Variants in GABRG3 observed in about 807,000 individuals in gnomAD.
GABRG3 encodes the protein gamma-aminobutyric acid receptor subunit gamma-3.
A neutral mutation model predicts 48.8 loss-of-function variants in GABRG3; 25 were observed. The observed-to-expected ratio is 0.51, with a 90% CI of 0.37 to 0.72. The LOEUF is 0.72. Among genes scored for constraint, GABRG3 ranks in the 30% least tolerant of loss-of-function variants. GABRG3 has a pLI of 0.00. For missense variants in GABRG3, 394 were observed against 577.9 expected, an observed-to-expected ratio of 0.68 and a Z score of 3.26; for synonymous variants, 227 against 217.6, an observed-to-expected ratio of 1.04 and a Z score of -0.38.
chr15:27,227,809 A>G (rs1889671981), intron 3 of GABRG3, among the ~76,000 whole-genome samples: 1 of 152,198 alleles, frequency 6.6e-6, no homozygotes, highest in African/African-American at 2.4e-5. Flanking sequence ...CTTTTGAAAA[A>G]TAACAGATGC....
intron 5 of GABRG3, among the ~76,000 whole-genome samples, chr15:27,338,304 G>A (rs1894046846): frequency 6.6e-6 from 1 of 152,138 alleles, no homozygotes; most frequent in Admixed American, 6.5e-5. Context: ...CCAGGAACGT[G>A]CTGGAAAGAC....
intron 5 of GABRG3, chr15:27,365,772 G>T (rs1025682674): frequency 6.6e-6 from 1 of 152,098 alleles, no homozygotes; most frequent in African/African-American, 2.4e-5. Flanking sequence ...AAAAAATAAA[G>T]AACCAGAGTA....
At chr15:27,465,419 C>A (rs1889576719) in intron 5 of GABRG3, among the ~76,000 whole-genome samples, 1 of 152,210 alleles carries the variant, frequency 6.6e-6, no homozygotes, top group Admixed American at 6.5e-5. Context: ...AATTGGAAAA[C>A]CTTTCCTTTG....
chr15:27,491,050 G>A (rs536242627), intron 6 of GABRG3, among the ~76,000 whole-genome samples: 22 of 152,300 alleles, frequency 1.4e-4, no homozygotes, highest in South Asian at 6.2e-4. Flanking sequence ...AGAACACCAC[G>A]CATGAGAGGA....
chr15:27,200,802 G>A (rs775863240), intron 3 of GABRG3, among the ~76,000 whole-genome samples: 1 of 152,122 alleles, frequency 6.6e-6, no homozygotes, highest in Non-Finnish European at 1.5e-5. Context: ...GAGCCCAGGT[G>A]TGCTACCCGT....
intron 3 of GABRG3, among the ~76,000 whole-genome samples, chr15:27,282,273 G>A (rs1280625458): frequency 2.0e-5 from 3 of 152,086 alleles, no homozygotes; most frequent in African/African-American, 7.2e-5. Flanking sequence ...GCCTAAATTC[G>A]GAAGTTTAAT....
intron 5 of GABRG3, among the ~76,000 whole-genome samples, chr15:27,425,847 ATCT>A (rs138446149): frequency 0.045 from 6,792 of 152,234 alleles, 170 homozygotes; most frequent in Middle Eastern, 0.11. Flanking sequence ...TCTTTTCTAA[ATCT>A]TCTTCTTTTA....
In GABRG3 at chr15:27,438,040, G is replaced by A. The variant is rs539005762; in HGVS notation, c.575-42610G>A. Among the ~76,000 whole-genome samples the A allele has an allele frequency of 1.2e-4, 18 of 152,306 alleles. No individual in the cohort carries two copies. The East Asian group carries it at 1.9e-3, about 16-fold the overall frequency. ...CCCACAACCCAAACGCCTTCCAGCA[G>A]GCCCCAACATTGGGGATCAGATTTC... On this transcript the variant is annotated intron_variant, in intron 5 of 9. Transcript: ENST00000615808.
chr15:27,324,868 A>G (rs927716691), intron 3 of GABRG3, among the ~76,000 whole-genome samples: 2 of 152,150 alleles, frequency 1.3e-5, no homozygotes, highest in African/African-American at 4.8e-5. Flanking sequence ...TACAGCTTTC[A>G]GTGGAAGGGC....
At chr15:27,306,354 C>T (rs1348315429) in intron 3 of GABRG3, among the ~76,000 whole-genome samples, 1 of 96,284 alleles carries the variant, frequency 1.0e-5, no homozygotes, top group Non-Finnish European at 2.6e-5. Context: ...AACATGTCTA[C>T]ATATAAACAT....
At chr15:27,251,933 C>T (rs936866451) in intron 3 of GABRG3, among the ~76,000 whole-genome samples, 7 of 152,222 alleles carry the variant, frequency 4.6e-5, no homozygotes, top group Non-Finnish European at 1.0e-4. Flanking sequence ...CTCAGCATAG[C>T]TGTGCAGTAA....
chr15:27,028,621 G>A (rs1299958112), intron 3 of GABRG3, among the ~76,000 whole-genome samples: 2 of 151,884 alleles, frequency 1.3e-5, no homozygotes, highest in African/African-American at 2.4e-5. Flanking sequence ...CCTGGTCAAC[G>A]TGATGAAACC....
chr15:27,410,446 A>G (rs768697515), intron 5 of GABRG3, among the ~76,000 whole-genome samples: 29 of 152,202 alleles, frequency 1.9e-4, no homozygotes, highest in Non-Finnish European at 3.7e-4. Context: ...TTTGACAAAT[A>G]TTGTCAGAAT....
At chr15:27,138,315 C>T (rs1898044992) in intron 3 of GABRG3, among the ~76,000 whole-genome samples, 2 of 152,250 alleles carry the variant, frequency 1.3e-5, no homozygotes, top group East Asian at 3.9e-4. Context: ...TGGATAAACA[C>T]AAATAAAGGC....
intron 3 of GABRG3, among the ~76,000 whole-genome samples, chr15:27,285,254 G>GGTGTGTGTGT (rs60880658): frequency 7.0e-6 from 1 of 142,464 alleles, no homozygotes; most frequent in South Asian, 2.4e-4. Context: ...TGAGCTTTCA[G>GGTGTGTGTGT]GTGTGTGTGT....
At chr15:27,313,256 GTGTGTGTATATATATATATATATATA>G (rs1171677395) in intron 3 of GABRG3, among the ~76,000 whole-genome samples, 1 of 57,494 alleles carries the variant, frequency 1.7e-5, no homozygotes, top group African/African-American at 7.8e-5. Context: ...GTGTGTGTGT[GTGTGTGTATATATATATATATATATA>G]TATATATATA....
chr15:27,260,250 T>A (rs1186950618), intron 3 of GABRG3, among the ~76,000 whole-genome samples: 3 of 152,202 alleles, frequency 2.0e-5, no homozygotes, highest in African/African-American at 7.2e-5. Context: ...CTGCTTGCTG[T>A]GTCCTCACAT....
chr15:27,066,577 G>T (rs1273858672), intron 3 of GABRG3, among the ~76,000 whole-genome samples: 1 of 152,148 alleles, frequency 6.6e-6, no homozygotes, highest in African/African-American at 2.4e-5. Context: ...GCCACCAGAA[G>T]GACTTTCAGA....
intron 3 of GABRG3, among the ~76,000 whole-genome samples, chr15:27,191,947 C>T (rs1888325929): frequency 1.3e-5 from 2 of 151,778 alleles, no homozygotes; most frequent in Non-Finnish European, 2.9e-5. Flanking sequence ...TCAGCATTTG[C>T]TTGTCTGTAA....
Sources: allele counts gnomAD v4.1 joint callset (sites outside exome capture counted in the v4.1 genomes callset), GRCh38; gene constraint gnomAD v4.1.1; transcripts MANE v1.5; gene names NCBI Gene and HGNC (gene_info 2026-07-23, HGNC 2026-07-21).